The following ATP11C variants were observed in gnomAD, a reference collection of about 807,000 sequenced individuals.
ATP11C encodes the protein phospholipid-transporting ATPase IG.
In ATP11C, 36 loss-of-function variants were observed where a neutral mutation model predicts 97.4. That is an observed-to-expected ratio of 0.37 (90% CI 0.28 to 0.49). The LOEUF is 0.49. ATP11C is among the 20% of genes least tolerant of loss of function. ATP11C has a pLI of 0.98. For missense variants in ATP11C, 730 were observed against 824.6 expected, an observed-to-expected ratio of 0.89 and a Z score of 1.40; for synonymous variants, 275 against 290.9, an observed-to-expected ratio of 0.95 and a Z score of 0.56.
intron 1 of ATP11C, among the ~76,000 whole-genome samples, chrX:139,921,823 G>C (rs2085263532): frequency 9.0e-6 from 1 of 111,128 alleles, no homozygotes; most frequent in Admixed American, 9.7e-5. Context: ...GGGTAACTAA[G>C]TAAGCAGTCC....
At chrX:139,799,731 C>A (rs1323297582) in intron 8 of ATP11C, among the ~76,000 whole-genome samples, 1 of 98,253 alleles carries the variant, frequency 1.0e-5, no homozygotes, top group African/African-American at 3.9e-5. Context: ...TGGCTCACTG[C>A]GACCTTCGCC....
At chrX:139,765,479 GAT>G (rs1173462961) in intron 20 of ATP11C, among the ~76,000 whole-genome samples, 1 of 112,048 alleles carries the variant, frequency 8.9e-6, no homozygotes, top group Non-Finnish European at 1.9e-5. Context: ...GAAGGCCTAG[GAT>G]GTCAGAGAAG....
At chrX:139,839,674 C>A (rs1248979621) in intron 1 of ATP11C, among the ~76,000 whole-genome samples, 1 of 111,688 alleles carries the variant, frequency 9.0e-6, no homozygotes, top group African/African-American at 3.3e-5. Context: ...CACACAACAA[C>A]CATGTGCAAC....
intron 1 of ATP11C, among the ~76,000 whole-genome samples, chrX:139,838,338 G>A (rs979163451): frequency 1.6e-4 from 18 of 110,544 alleles, no homozygotes; most frequent in Non-Finnish European, 3.4e-4. Context: ...AAGTACCAAG[G>A]AATGAAATAT....
At chrX:139,883,371 A>G (rs1033967266) in intron 1 of ATP11C, among the ~76,000 whole-genome samples, 3 of 110,497 alleles carry the variant, frequency 2.7e-5, no homozygotes, top group Non-Finnish European at 5.7e-5. Context: ...GGGTAGAAGA[A>G]ACTATTCCCA....
intron 13 of ATP11C, among the ~76,000 whole-genome samples, chrX:139,788,850 A>T (rs1359021353): frequency 8.9e-6 from 1 of 111,915 alleles, no homozygotes; most frequent in African/African-American, 3.2e-5. Context: ...TGTAAATTCT[A>T]CTCATTTACA....
chrX:139,798,220 G>C (rs763083612), intron 10 of ATP11C, 53 bp downstream of exon 10: 11 of 1,036,540 alleles, frequency 1.1e-5, no homozygotes, highest in African/African-American at 1.9e-5. Flanking sequence ...GAATTACCAA[G>C]AAAGTAACTA....
chrX:139,906,799 A>AAAC (rs377680099), intron 1 of ATP11C, among the ~76,000 whole-genome samples: 4 of 109,465 alleles, frequency 3.7e-5, no homozygotes, highest in South Asian at 3.9e-4. Flanking sequence ...AAAACAAAAC[A>AAAC]AACAACAACA....
intron 22 of ATP11C, among the ~76,000 whole-genome samples, chrX:139,759,314 AT>A (rs770457392): frequency 6.3e-5 from 7 of 111,881 alleles, no homozygotes; most frequent in African/African-American, 2.3e-4. Flanking sequence ...CATTTAAAAT[AT>A]ATTTGTTCAC....
chrX:139,933,956 T>G (rs1603421612), upstream of ATP11C, among the ~76,000 whole-genome samples: 1 of 111,751 alleles, frequency 8.9e-6, no homozygotes, highest in East Asian at 2.8e-4. Flanking sequence ...GAGTTCAAAG[T>G]GCTAGAGAAA....
At chrX:139,882,823 A>T (rs2084581758) in intron 1 of ATP11C, among the ~76,000 whole-genome samples, 2 of 111,602 alleles carry the variant, frequency 1.8e-5, no homozygotes, top group Non-Finnish European at 3.8e-5. Flanking sequence ...CAGAGAGCTC[A>T]GCATAAATAA....
chrX:139,737,585 TTGGTGTGGAAATTCC>T, intron 28 of ATP11C: 1 of 180,099 alleles, frequency 5.6e-6, no homozygotes, highest in East Asian at 1.7e-4. Flanking sequence ...AGCGAAAATG[TTGGTGTGGAAATTCC>T]TGGTGTGAAA....
chrX:139,840,803 C>A (rs937052706), intron 1 of ATP11C, among the ~76,000 whole-genome samples: 21 of 109,650 alleles, frequency 1.9e-4, no homozygotes, highest in African/African-American at 7.0e-4. Flanking sequence ...GATTTCTCTG[C>A]AAGCAGAGCA....
intron 1 of ATP11C, among the ~76,000 whole-genome samples, chrX:139,912,496 T>C (rs1169720806): frequency 9.0e-6 from 1 of 110,907 alleles, no homozygotes; most frequent in Non-Finnish European, 1.9e-5. Flanking sequence ...GCATAGAATA[T>C]TACATTTTTA....
chrX:139,887,773 C>T (rs906024035), intron 1 of ATP11C, among the ~76,000 whole-genome samples: 4 of 110,613 alleles, frequency 3.6e-5, no homozygotes, highest in East Asian at 2.9e-4. Flanking sequence ...GAGTTTGCAA[C>T]CAGCCTGGGC....
intron 1 of ATP11C, among the ~76,000 whole-genome samples, chrX:139,852,834 G>A (rs1251256077): frequency 9.0e-6 from 1 of 110,982 alleles, no homozygotes; most frequent in Non-Finnish European, 1.9e-5. Context: ...CGAGTGGGAA[G>A]TGTGCAAAGG....
rs1322817765 is a variant in ATP11C at position 139,789,192 on chromosome X, G to C, written c.1368+135C>G. 2.0e-5 allele frequency: 9 copies of C among 440,561 alleles called. No homozygotes were observed. The East Asian group carries it at 3.1e-4, about 15-fold the overall frequency. 36.3% of individuals were successfully genotyped at this position (440,561 alleles called of 1,213,427 possible). A position where few individuals can be genotyped will look rare whatever the true frequency, so the allele number is the denominator to read the frequency against. On this transcript the variant is annotated intron_variant, in intron 13 of 29. Coordinates refer to ENST00000682941, the MANE Select transcript of ATP11C (RefSeq NM_001353812.2). ...TACTCCAGCCTGGGCAACAGAGTGA[G>C]ACTCCATCTCAAAAAAAAAAAACAA...
chrX:139,811,139 A>G (rs1052911894), intron 5 of ATP11C, among the ~76,000 whole-genome samples: 1 of 111,154 alleles, frequency 9.0e-6, no homozygotes, highest in African/African-American at 3.3e-5. Context: ...GTGTCTTACT[A>G]TATCTAGTTT....
intron 1 of ATP11C, among the ~76,000 whole-genome samples, chrX:139,853,577 G>A (rs1286385122): frequency 1.8e-5 from 2 of 110,160 alleles, no homozygotes; most frequent in African/African-American, 6.6e-5. Context: ...GATAATTAAA[G>A]GTCTTCTCCG....
Sources: allele counts gnomAD v4.1 joint callset (sites outside exome capture counted in the v4.1 genomes callset), GRCh38; gene constraint gnomAD v4.1.1; transcripts MANE v1.5; gene names NCBI Gene and HGNC (gene_info 2026-07-23, HGNC 2026-07-21).